Variants in RAB38 observed in about 807,000 individuals in gnomAD.
The protein encoded by RAB38 is RAB38, member RAS oncogene family.
A neutral mutation model predicts 18.4 loss-of-function variants in RAB38; 15 were observed. The ratio of observed to expected loss-of-function variants is 0.82; its 90% CI spans 0.55 to 1.26. The LOEUF is 1.26. Ranked by LOEUF, RAB38 falls within the 50% of genes most tolerant of loss-of-function variation. The pLI is 0.00. For synonymous variants in RAB38, 101 were observed against 104.4 expected, an observed-to-expected ratio of 0.97 and a Z score of 0.20; for missense variants, 294 against 267.4, an observed-to-expected ratio of 1.10 and a Z score of -0.69.
the RAB38 span, among the ~76,000 whole-genome samples, chr11:88,038,978 C>T: frequency 1.3e-4 from 20 of 152,132 alleles, no homozygotes; most frequent in Non-Finnish European, 2.6e-4. Context: ...GAGCTCCTGG[C>T]TTTCCTTTTA....
At chr11:88,083,443 T>G in the RAB38 span, among the ~76,000 whole-genome samples, 3 of 151,908 alleles carry the variant, frequency 2.0e-5, no homozygotes, top group South Asian at 2.1e-4. Flanking sequence ...TGGTGATACT[T>G]GAAATAATTA....
the RAB38 span, among the ~76,000 whole-genome samples, chr11:88,106,195 A>G: frequency 6.6e-6 from 1 of 152,224 alleles, no homozygotes; most frequent in Middle Eastern, 3.4e-3. Context: ...AGAGAAAAAA[A>G]AGAAACTAAC....
At chr11:87,955,178 T>C in the RAB38 span, among the ~76,000 whole-genome samples, 2 of 105,068 alleles carry the variant, frequency 1.9e-5, no homozygotes, top group African/African-American at 3.3e-5. Flanking sequence ...CTCTTCCACA[T>C]TGGTGCACTC....
the RAB38 span, among the ~76,000 whole-genome samples, chr11:87,952,018 C>A: frequency 3.0e-4 from 46 of 152,296 alleles, no homozygotes; most frequent in African/African-American, 1.1e-3. Context: ...CTTGGCTCCT[C>A]CCCTACTGGC....
intron 2 of RAB38, among the ~76,000 whole-genome samples, chr11:88,119,102 T>C (rs1565208818): frequency 1.3e-5 from 2 of 152,162 alleles, no homozygotes; most frequent in Non-Finnish European, 2.9e-5. Context: ...ATTTAGAAAT[T>C]ATAACTTCTC....
the RAB38 span, among the ~76,000 whole-genome samples, chr11:88,105,833 A>T: frequency 1.3e-5 from 2 of 152,196 alleles, no homozygotes; most frequent in African/African-American, 4.8e-5. Context: ...ATCCTGCCAG[A>T]ATCACATGAT....
the RAB38 span, among the ~76,000 whole-genome samples, chr11:88,067,624 G>C: frequency 6.6e-6 from 1 of 152,116 alleles, no homozygotes; most frequent in African/African-American, 2.4e-5. Flanking sequence ...TACTCTTGTG[G>C]AATATGCAAT....
chr11:88,055,069 A>G, the RAB38 span, among the ~76,000 whole-genome samples: 44 of 152,114 alleles, frequency 2.9e-4, no homozygotes, highest in Non-Finnish European at 3.7e-4. Flanking sequence ...TTGAGAATTT[A>G]CTGATATTAA....
At chr11:87,879,746 G>A in the RAB38 span, 1 of 151,726 alleles carries the variant, frequency 6.6e-6, no homozygotes, top group South Asian at 2.1e-4. Flanking sequence ...TGCTTATTCA[G>A]GTACTTAAAG....
the RAB38 span, among the ~76,000 whole-genome samples, chr11:87,829,411 A>G: frequency 1.3e-5 from 2 of 152,228 alleles, no homozygotes; most frequent in Non-Finnish European, 2.9e-5. Context: ...AAGAGGTTTA[A>G]TTGATTCACA....
At chr11:88,053,296 TACACACATATATATGGAATATATATATAC>T in the RAB38 span, among the ~76,000 whole-genome samples, 351 of 59,382 alleles carry the variant, frequency 5.9e-3, 7 homozygotes, top group African/African-American at 0.015. Context: ...AATATATATA[TACACACATATATATGGAATATATATATAC>T]ACACACATAT....
chr11:87,868,612 A>AGAGAGAGAAG, the RAB38 span, among the ~76,000 whole-genome samples: 44 of 144,804 alleles, frequency 3.0e-4, no homozygotes, highest in African/African-American at 9.0e-4. Flanking sequence ...AGAGAGAGAG[A>AGAGAGAGAAG]GAGAGAGAGA....
chr11:88,120,889 A>AATC lies in RAB38; in HGVS notation c.484-6752_484-6750dup, dbSNP rs1238835233. Among the ~76,000 whole-genome samples, 3 of 152,208 alleles carry AATC rather than the reference A, an allele frequency of 2.0e-5. No homozygotes were observed. The East Asian group carries it at 5.8e-4, about 29-fold the overall frequency. Reference sequence around the variant, plus strand: ...ATGAAACATCTCCAAGCTCACAGAGAATCACCAAATATTAGAGAGGAGGGG... The same window carrying AATC: ...ATGAAACATCTCCAAGCTCACAGAGAATCATCACCAAATATTAGAGAGGAGGGG... On this transcript the variant is annotated intron_variant, in intron 2 of 2. Transcript: ENST00000243662.
chr11:88,136,995 G>A (rs1166131560), intron 2 of RAB38, among the ~76,000 whole-genome samples: 1 of 152,218 alleles, frequency 6.6e-6, no homozygotes, highest in African/African-American at 2.4e-5. Context: ...GTGATATGGA[G>A]ATGGAAAAAA....
chr11:88,037,477 AG>A, the RAB38 span, among the ~76,000 whole-genome samples: 1 of 152,130 alleles, frequency 6.6e-6, no homozygotes, highest in South Asian at 2.1e-4. Flanking sequence ...CTAAGTGTAC[AG>A]TTTGAGCACT....
chr11:88,029,905 C>T, the RAB38 span, among the ~76,000 whole-genome samples: 8 of 152,124 alleles, frequency 5.3e-5, no homozygotes, highest in Admixed American at 3.3e-4. Context: ...GAACTCTCCA[C>T]CCCAAATCAA....
the RAB38 span, among the ~76,000 whole-genome samples, chr11:88,024,500 G>A: frequency 1.3e-5 from 2 of 151,950 alleles, no homozygotes; most frequent in Non-Finnish European, 2.9e-5. Flanking sequence ...CTGAAAACAG[G>A]GCTACCACGT....
chr11:88,152,348 G>A (rs928857245), intron 1 of RAB38, among the ~76,000 whole-genome samples: 7 of 152,086 alleles, frequency 4.6e-5, no homozygotes, highest in African/African-American at 1.4e-4. Context: ...ATATGATAAA[G>A]AGTTATTTTA....
the RAB38 span, among the ~76,000 whole-genome samples, chr11:87,864,710 T>C: frequency 2.0e-5 from 3 of 151,830 alleles, no homozygotes; most frequent in Admixed American, 6.6e-5. Context: ...GGAATTCTAA[T>C]TTATATTCTT....
Sources: gnomAD v4.1 joint callset for allele counts (sites outside exome capture counted in the v4.1 genomes callset) on GRCh38, gnomAD v4.1.1 for gene constraint, MANE v1.5 for transcripts, NCBI Gene and HGNC (gene_info 2026-07-23, HGNC 2026-07-21) for gene names.